Variants in TAF1 observed in about 807,000 individuals in gnomAD.
The protein encoded by TAF1 is transcription initiation factor TFIID subunit 1.
A neutral mutation model predicts 138.5 loss-of-function variants in TAF1; 2 were observed. The ratio of observed to expected loss-of-function variants is 0.01; its 90% CI spans 0.01 to 0.05. TAF1 has a LOEUF of 0.05. Ranked by LOEUF, TAF1 falls within the 10% of genes least tolerant of loss-of-function variation. TAF1 has a pLI of 1.00. For synonymous variants in TAF1, 437 were observed against 503.2 expected (o/e 0.87, Z 1.76); for missense variants, 709 against 1,478.0 (o/e 0.48, Z 8.53).
chrX:71,436,038 CTTTTTTTTTTTTT>C (rs780566468), intron 32 of TAF1, among the ~76,000 whole-genome samples: 1 of 78,433 alleles, frequency 1.3e-5, no homozygotes, highest in African/African-American at 5.4e-5. Context: ...ATGCTACCTC[CTTTTTTTTTTTTT>C]TTTTTTTTTT....
chrX:71,516,766 G>A (rs771266141), intron 13 of TAF1, among the ~76,000 whole-genome samples: 84 of 109,322 alleles, frequency 7.7e-4, no homozygotes, highest in East Asian at 2.0e-3. Context: ...GTGCAGTGGC[G>A]CGATCTTGGC....
rs747055381 is a variant in TAF1 at position 71,419,790 on chromosome X, G to A, written c.4385-1519G>A. ...GCAGCCCCCAGGGGGGTGAAATGGG[G>A]CAGGGAAACATGGGGAGCAGCTTGC... On this transcript the variant is annotated intron_variant, in intron 28 of 37. Coordinates refer to ENST00000423759, the MANE Select transcript of TAF1 (RefSeq NM_004606.5). Among the ~76,000 whole-genome samples the A allele has an allele frequency of 4.5e-5, 5 of 111,112 alleles. No individual in the cohort carries two copies. In the South Asian group the frequency reaches 1.5e-3, roughly 34 times the overall value.
At chrX:71,470,952 G>A (rs761224346), downstream of TAF1, among the ~76,000 whole-genome samples, 8 of 109,546 alleles carry the variant, frequency 7.3e-5, no homozygotes, top group South Asian at 2.8e-3. Flanking sequence ...CCAGGAGCTC[G>A]AAGCTACAGT....
intron 19 of TAF1, 72 bp downstream of exon 19, chrX:71,392,790 G>A: frequency 8.4e-7 from 1 of 1,189,472 alleles, no homozygotes; most frequent in East Asian, 3.0e-5. Context: ...GACTTGGAAT[G>A]TAGTTAAGGT....
intron 28 of TAF1, among the ~76,000 whole-genome samples, chrX:71,411,619 T>C (rs1457559622): frequency 3.5e-5 from 4 of 112,905 alleles, no homozygotes; most frequent in African/African-American, 1.3e-4. Flanking sequence ...CCTGCACTTG[T>C]CTTCTGCTGA....
chrX:71,530,525 C>T (rs1337868967), downstream of TAF1: 1 of 70,822 alleles, frequency 1.4e-5, no homozygotes, highest in African/African-American at 6.0e-5. Context: ...TGGGTTGCTA[C>T]TACTGGCCTG....
intron 20 of TAF1, 54 bp from the exon 21 acceptor site, chrX:71,393,247 T>C: frequency 2.7e-6 from 3 of 1,116,065 alleles, no homozygotes; most frequent in Non-Finnish European, 3.6e-6. Flanking sequence ...TGTGTGTGTG[T>C]GTGTGTGTGT....
intron 32 of TAF1, among the ~76,000 whole-genome samples, chrX:71,443,411 A>C (rs191874409): frequency 1.8e-5 from 2 of 111,349 alleles, no homozygotes; most frequent in East Asian, 2.8e-4. Flanking sequence ...GTATTTTATT[A>C]TCTTTGTAGT....
chrX:71,373,167 C>CTT (rs1388371317), intron 3 of TAF1, among the ~76,000 whole-genome samples: 4 of 90,521 alleles, frequency 4.4e-5, no homozygotes, highest in East Asian at 3.4e-4. Flanking sequence ...TGCCTGGCCA[C>CTT]TTTTTTTTTT....
intron 13 of TAF1, among the ~76,000 whole-genome samples, chrX:71,509,801 G>A (rs901145773): frequency 9.1e-6 from 1 of 109,852 alleles, no homozygotes; most frequent in East Asian, 2.8e-4. Context: ...GTGAAACCCC[G>A]TCTCTACTAA....
Position 71,459,092 on chromosome X carries a change from G to A in TAF1, c.5065-460G>A, listed in dbSNP as rs759107599. ...CATCCACCCTGGGTGAGAGCCCTTGGTTAACTCCTCCTACAGGCACGTCCC... is the reference window on the plus strand; with the variant it reads ...CATCCACCCTGGGTGAGAGCCCTTGATTAACTCCTCCTACAGGCACGTCCC... On this transcript the variant is annotated intron_variant, in intron 35 of 37. Coordinates refer to ENST00000423759, the MANE Select transcript of TAF1 (RefSeq NM_004606.5). 164 of 935,268 alleles carry A rather than the reference G, an allele frequency of 1.8e-4. No homozygotes were observed. In the South Asian group the frequency reaches 3.3e-3, roughly 19 times the overall value. 77.1% of individuals were successfully genotyped at this position (935,268 alleles called of 1,213,427 possible).
intron 28 of TAF1, chrX:71,419,936 C>A: frequency 4.6e-6 from 1 of 217,964 alleles, no homozygotes. Flanking sequence ...TGGGATTCTC[C>A]CCCCCTTCCA....
intron 13 of TAF1, among the ~76,000 whole-genome samples, chrX:71,519,818 G>T (rs867070386): frequency 6.3e-5 from 7 of 110,529 alleles, no homozygotes; most frequent in African/African-American, 1.6e-4. Context: ...TTGTTTGTTT[G>T]TTTTTGAGCC....
rs765896354 is a variant in TAF1, at chrX:71,390,511, T to C, written c.2781+846T>C. ...TAATTCTCCTTTCATTATGTACATA[T>C]AGTACCCCTTTACTTTTTTCTTTCC... On this transcript the variant is annotated intron_variant, in intron 18 of 37. Transcript: ENST00000423759. Among the ~76,000 whole-genome samples the C allele has an allele frequency of 1.5e-4, 17 of 111,450 alleles. No homozygotes were observed. In the East Asian group the frequency reaches 4.5e-3, roughly 30 times the overall value.
chrX:71,421,390 A>C lies in TAF1; in HGVS notation c.4452+14A>C, dbSNP rs2036335531. 1 of 1,039,703 alleles carries C rather than the reference A, an allele frequency of 9.6e-7. No homozygotes were observed. Among genetic ancestry groups the C allele is most frequent in the Non-Finnish European group, 1.3e-6 (1 of 750,467 alleles). The allele number at this position is 1,039,703 out of a possible 1,213,427, so 85.7% of individuals were successfully genotyped here. On this transcript the variant is annotated intron_variant, in intron 29 of 37. Coordinates refer to ENST00000423759, the MANE Select transcript of TAF1 (RefSeq NM_004606.5). ...AAACTCAAAGAGGTAAGACAGTTAG[A>C]ATGAGAGAAAGGCAGTGGAATTTGA...
intron 25 of TAF1, 74 bp from the exon 26 acceptor site, chrX:71,406,564 T>A (rs1435137956): frequency 2.5e-5 from 26 of 1,045,310 alleles, no homozygotes; most frequent in Admixed American, 6.0e-5. Flanking sequence ...GACTTTTTTT[T>A]AATTATAGTT....
intron 14 of TAF1, among the ~76,000 whole-genome samples, chrX:71,385,898 C>T (rs576420700): frequency 9.0e-6 from 1 of 111,687 alleles, no homozygotes; most frequent in African/African-American, 3.2e-5. Flanking sequence ...TGGTGGCTCA[C>T]GCCTGTTAAT....
intron 13 of TAF1, among the ~76,000 whole-genome samples, chrX:71,525,057 T>A (rs1260108142): frequency 9.0e-6 from 1 of 111,009 alleles, no homozygotes; most frequent in African/African-American, 3.3e-5. Context: ...TTATTTATTT[T>A]TGAGACAGAG....
In TAF1 at chrX:71,383,092, A is replaced by T; in HGVS notation, c.1875A>T (p.Ser625=). 1 of 1,211,239 alleles carries T rather than the reference A, an allele frequency of 8.3e-7. No individual in the cohort carries two copies. Among genetic ancestry groups the T allele is most frequent in the Non-Finnish European group, 1.1e-6 (1 of 895,439 alleles). ...ATCGCCCACCTCTGAAAAAGTACTC[A>T]TTTGGTGCACTTTCTCAGCCAGGTC... The part of the protein sequence containing the change: ...QFHRPPLKKY[S]FGALSQPGPH... Residue 625 remains serine (S), a synonymous_variant, in exon 12 of 38, where the codon TCA becomes TCT. Transcript: ENST00000423759.
Sources: gnomAD v4.1 joint callset for allele counts (sites outside exome capture counted in the v4.1 genomes callset) on GRCh38, gnomAD v4.1.1 for gene constraint, MANE v1.5 for transcripts, NCBI Gene and HGNC (gene_info 2026-07-23, HGNC 2026-07-21) for gene names.